The following ARHGAP26 variants were observed in gnomAD, a reference collection of about 807,000 sequenced individuals.
ARHGAP26 encodes the protein Rho GTPase activating protein 26.
Under a neutral mutation model 104.8 loss-of-function variants are expected in ARHGAP26, and 38 were observed. The observed-to-expected ratio is 0.36, with a 90% CI of 0.28 to 0.48. ARHGAP26 has a LOEUF of 0.48. Among genes scored for constraint, ARHGAP26 ranks in the 20% least tolerant of loss-of-function variants. The pLI is 0.99. For synonymous variants in ARHGAP26, 341 were observed against 340.0 expected, an observed-to-expected ratio of 1.00 and a Z score of -0.03; for missense variants, 704 against 947.9, an observed-to-expected ratio of 0.74 and a Z score of 3.38.
chr5:142,829,829 A>G (rs10065158), intron 1 of ARHGAP26, among the ~76,000 whole-genome samples: 6,283 of 152,156 alleles, frequency 0.041, 443 homozygotes, highest in African/African-American at 0.14. Flanking sequence ...CACTCATGAC[A>G]CTGAGGATGG....
At chr5:143,106,918 G>A (rs1266919164) in intron 17 of ARHGAP26, among the ~76,000 whole-genome samples, 2 of 152,136 alleles carry the variant, frequency 1.3e-5, no homozygotes, top group Admixed American at 6.5e-5. Flanking sequence ...TTGATTAATG[G>A]GCTCAGCTCA....
At chr5:143,007,436 A>G (rs1222432629) in intron 11 of ARHGAP26, among the ~76,000 whole-genome samples, 1 of 152,184 alleles carries the variant, frequency 6.6e-6, no homozygotes, top group African/African-American at 2.4e-5. Context: ...AATTCCTGTT[A>G]TGCTTAAATT....
At chr5:142,802,148 A>G (rs1386077633) in intron 1 of ARHGAP26, among the ~76,000 whole-genome samples, 1 of 152,182 alleles carries the variant, frequency 6.6e-6, no homozygotes, top group Non-Finnish European at 1.5e-5. Flanking sequence ...TTTTTACAGT[A>G]ATGGCTACAA....
At chr5:142,826,212 G>C (rs1288132785) in intron 1 of ARHGAP26, among the ~76,000 whole-genome samples, 1 of 152,210 alleles carries the variant, frequency 6.6e-6, no homozygotes, top group East Asian at 1.9e-4. Context: ...TGCTTCGTCT[G>C]TCCATTATTA....
intron 11 of ARHGAP26, among the ~76,000 whole-genome samples, chr5:143,001,870 C>A (rs914934632): frequency 6.6e-6 from 1 of 152,154 alleles, no homozygotes; most frequent in African/African-American, 2.4e-5. Flanking sequence ...TGCATGCATA[C>A]GAGTTGGCAT....
At chr5:143,218,034 A>G (rs988646428) in intron 22 of ARHGAP26, among the ~76,000 whole-genome samples, 1 of 152,206 alleles carries the variant, frequency 6.6e-6, no homozygotes, top group Non-Finnish European at 1.5e-5. Context: ...AAGTAAGGTC[A>G]GCAAACTATG....
chr5:143,048,617 A>G (rs139565714), intron 14 of ARHGAP26, among the ~76,000 whole-genome samples: 15 of 151,850 alleles, frequency 9.9e-5, no homozygotes, highest in Non-Finnish European at 1.6e-4. Flanking sequence ...GAATTATGCC[A>G]TAGAAGACCT....
intron 1 of ARHGAP26, among the ~76,000 whole-genome samples, chr5:142,841,720 G>A (rs931100022): frequency 3.3e-5 from 5 of 152,234 alleles, no homozygotes; most frequent in African/African-American, 4.8e-5. Flanking sequence ...CAGTTGCTAA[G>A]CAACGCATCC....
intron 1 of ARHGAP26, among the ~76,000 whole-genome samples, chr5:142,832,710 C>G (rs1768722352): frequency 6.6e-6 from 1 of 152,142 alleles, no homozygotes; most frequent in Non-Finnish European, 1.5e-5. Context: ...AAGAGCAAGA[C>G]ACTGTGTTGG....
chr5:143,193,240 C>CTTTTTTTTT (rs57462040), intron 20 of ARHGAP26, among the ~76,000 whole-genome samples: 8 of 74,622 alleles, frequency 1.1e-4, no homozygotes, highest in African/African-American at 2.4e-4. Flanking sequence ...ATTTTCTTTT[C>CTTTTTTTTT]TTTTTTTTTT....
chr5:143,096,356 C>G (rs373546598), intron 17 of ARHGAP26, among the ~76,000 whole-genome samples: 34 of 152,318 alleles, frequency 2.2e-4, no homozygotes, highest in African/African-American at 7.9e-4. Flanking sequence ...TTCTTGAAAG[C>G]ATAAATTTTA....
chr5:143,003,191 C>T (rs1027815798), intron 11 of ARHGAP26, among the ~76,000 whole-genome samples: 3 of 152,176 alleles, frequency 2.0e-5, no homozygotes, highest in African/African-American at 4.8e-5. Flanking sequence ...AAATAAATGG[C>T]CTACTCCTTC....
chr5:143,123,560 C>T (rs1201951963), intron 18 of ARHGAP26, among the ~76,000 whole-genome samples: 1 of 152,204 alleles, frequency 6.6e-6, no homozygotes, highest in African/African-American at 2.4e-5. Context: ...TCTTTAAAAT[C>T]CACAATGTTG....
chr5:143,155,160 A>G (rs1228968451), intron 20 of ARHGAP26, among the ~76,000 whole-genome samples: 1 of 152,150 alleles, frequency 6.6e-6, no homozygotes, highest in African/African-American at 2.4e-5. Flanking sequence ...CATTGTTTTC[A>G]AAAGGATTCA....
At chr5:143,007,669 A>G (rs2152803042) in intron 11 of ARHGAP26, among the ~76,000 whole-genome samples, 1 of 152,332 alleles carries the variant, frequency 6.6e-6, no homozygotes, top group Non-Finnish European at 1.5e-5. Context: ...TGGAAAGTTA[A>G]TTAACCCATA....
intron 20 of ARHGAP26, among the ~76,000 whole-genome samples, chr5:143,165,716 G>A (rs1337812863): frequency 6.6e-6 from 1 of 152,074 alleles, no homozygotes; most frequent in African/African-American, 2.4e-5. Flanking sequence ...TCACCCCACC[G>A]ACCCTCCCCA....
chr5:143,065,629 A>G (rs1030087266), intron 17 of ARHGAP26, among the ~76,000 whole-genome samples: 7 of 152,310 alleles, frequency 4.6e-5, no homozygotes, highest in Middle Eastern at 6.8e-3. Context: ...AACTTCGCAC[A>G]TCAGGTTTTC....
chr5:142,850,234 C>A (rs1003772456), intron 1 of ARHGAP26, among the ~76,000 whole-genome samples: 1 of 152,160 alleles, frequency 6.6e-6, no homozygotes, highest in African/African-American at 2.4e-5. Flanking sequence ...TTAAATTGTC[C>A]CCTCTTCCCA....
chr5:142,783,478 AT>A (rs918934104), intron 1 of ARHGAP26, among the ~76,000 whole-genome samples: 6 of 150,022 alleles, frequency 4.0e-5, no homozygotes, highest in South Asian at 4.2e-4. Flanking sequence ...TATGTTTCAC[AT>A]TTTTTTTTTC....
Sources: allele counts gnomAD v4.1 joint callset (sites outside exome capture counted in the v4.1 genomes callset), GRCh38; gene constraint gnomAD v4.1.1; transcripts MANE v1.5; gene names NCBI Gene and HGNC (gene_info 2026-07-23, HGNC 2026-07-21).